CYFIP2: variants seen among roughly 807,000 people sequenced by gnomAD.
CYFIP2 encodes the protein cytoplasmic FMR1 interacting protein 2.
In CYFIP2, 29 loss-of-function variants were observed where a neutral mutation model predicts 158.7. The ratio of observed to expected loss-of-function variants is 0.18; its 90% CI spans 0.14 to 0.25. The LOEUF (loss-of-function observed/expected upper bound fraction) is 0.25, where lower values mean the gene tolerates loss of function less well. CYFIP2 is among the 10% of genes least tolerant of loss of function. The pLI is 1.00. For synonymous variants in CYFIP2, 585 were observed against 617.6 expected (o/e 0.95, Z 0.78); for missense variants, 852 against 1,639.5 (o/e 0.52, Z 8.29).
intron 3 of CYFIP2, chr5:157,288,709 A>C (rs971538767): frequency 6.8e-6 from 3 of 438,252 alleles, no homozygotes; most frequent in Middle Eastern, 3.3e-4. Context: ...ACTGGAGCCC[A>C]AAAAAATTGC....
chr5:157,287,603 C>T (rs1757494512), intron 3 of CYFIP2, among the ~76,000 whole-genome samples: 1 of 152,180 alleles, frequency 6.6e-6, no homozygotes, highest in African/African-American at 2.4e-5. Flanking sequence ...AGGGCTCCTC[C>T]CCTTCTCTGT....
intron 21 of CYFIP2, among the ~76,000 whole-genome samples, chr5:157,338,623 A>G (rs1163480929): frequency 1.3e-5 from 2 of 152,252 alleles, no homozygotes; most frequent in African/African-American, 4.8e-5. Context: ...AAAATTGCCA[A>G]TATTTGGCCC....
At chr5:157,348,949 CAA>C (rs34773095) in intron 23 of CYFIP2, among the ~76,000 whole-genome samples, 13 of 127,182 alleles carry the variant, frequency 1.0e-4, no homozygotes, top group Non-Finnish European at 1.3e-4. Flanking sequence ...GACTTCATCT[CAA>C]AAAAAAAAAA....
intron 1 of CYFIP2, among the ~76,000 whole-genome samples, chr5:157,283,989 A>G (rs983363356): frequency 3.9e-5 from 6 of 152,162 alleles, no homozygotes; most frequent in African/African-American, 1.4e-4. Context: ...GGATTCTCAG[A>G]CAAGCACAGT....
chr5:157,335,440 C>A (rs1761781592), intron 21 of CYFIP2, among the ~76,000 whole-genome samples: 1 of 152,062 alleles, frequency 6.6e-6, no homozygotes, highest in African/African-American at 2.4e-5. Context: ...ACCAGGCCCA[C>A]CTAATTTTTG....
chr5:157,383,003 G>T (rs1197163819), intron 27 of CYFIP2, among the ~76,000 whole-genome samples: 1 of 151,988 alleles, frequency 6.6e-6, no homozygotes, highest in African/African-American at 2.4e-5. Context: ...TCTAGACTTG[G>T]AATTTAAATA....
At chr5:157,303,466 T>A (rs566346399) in intron 7 of CYFIP2, among the ~76,000 whole-genome samples, 2 of 152,184 alleles carry the variant, frequency 1.3e-5, no homozygotes, top group Non-Finnish European at 2.9e-5. Flanking sequence ...AAGACAAGCA[T>A]AACTGTCACT....
At chr5:157,343,021 C>T in intron 23 of CYFIP2, 1 of 1,614,232 alleles carries the variant, frequency 6.2e-7, no homozygotes, top group Non-Finnish European at 8.5e-7. Context: ...GCAGGTCTTC[C>T]TCCCTCTGAC....
At chr5:157,274,946 A>G (rs1349263269) in intron 1 of CYFIP2, among the ~76,000 whole-genome samples, 1 of 152,072 alleles carries the variant, frequency 6.6e-6, no homozygotes, top group Non-Finnish European at 1.5e-5. Flanking sequence ...TTTATTTAAA[A>G]AAATTTTTTT....
chr5:157,342,982 G>C (rs1437150365), intron 23 of CYFIP2: 2 of 1,614,098 alleles, frequency 1.2e-6, no homozygotes, highest in African/African-American at 2.7e-5. Flanking sequence ...TGGAGTTCTT[G>C]CGTGGCATTT....
Position 157,393,050 on chromosome 5 carries a change from G to A in CYFIP2, c.*50G>A, listed in dbSNP as rs776296564. The A allele has an allele frequency of 5.6e-6, 9 of 1,595,452 alleles. No individual in the cohort carries two copies. The African/African-American group carries it at 9.4e-5, about 17-fold the overall frequency. On this transcript the variant is annotated 3_prime_UTR_variant, in exon 31 of 31. Transcript: ENST00000620254. The stretch of plus-strand genomic sequence containing the variant: ...CTGGAGGAGGAAGAGAAGCAGGAGA[G>A]AGAAAGCCACAGCCAGCCTGCCATA...
At chr5:157,271,954 C>T (rs1756134708) in intron 1 of CYFIP2, among the ~76,000 whole-genome samples, 1 of 152,172 alleles carries the variant, frequency 6.6e-6, no homozygotes, top group African/African-American at 2.4e-5. Context: ...GCCCCAGGGC[C>T]CCAGCAGGAG....
intron 5 of CYFIP2, among the ~76,000 whole-genome samples, chr5:157,298,237 T>C (rs924714833): frequency 6.6e-6 from 1 of 152,236 alleles, no homozygotes; most frequent in Non-Finnish European, 1.5e-5. Flanking sequence ...GAGATATACT[T>C]AACATATACC....
chr5:157,320,257 G>T (rs534979802), intron 14 of CYFIP2, among the ~76,000 whole-genome samples: 1 of 152,330 alleles, frequency 6.6e-6, no homozygotes, highest in Admixed American at 6.5e-5. Context: ...AGCACATGCA[G>T]CATGGAGTAA....
chr5:157,268,532 C>T (rs576659823), intron 1 of CYFIP2, among the ~76,000 whole-genome samples: 1 of 152,270 alleles, frequency 6.6e-6, no homozygotes, highest in African/African-American at 2.4e-5. Context: ...AGCTAATTAA[C>T]GGGAAAAGCG....
At chr5:157,329,834 T>G (rs2113166379) in intron 19 of CYFIP2, among the ~76,000 whole-genome samples, 1 of 152,282 alleles carries the variant, frequency 6.6e-6, no homozygotes, top group East Asian at 1.9e-4. Context: ...ATATAGATGG[T>G]GTCTCTTTCT....
At chr5:157,272,919 T>G (rs548734088) in intron 1 of CYFIP2, among the ~76,000 whole-genome samples, 1 of 152,308 alleles carries the variant, frequency 6.6e-6, no homozygotes, top group East Asian at 1.9e-4. Context: ...CAAGCTGGAG[T>G]GCAGTGGCGT....
chr5:157,280,504 G>A (rs1257106465), intron 1 of CYFIP2, among the ~76,000 whole-genome samples: 6 of 151,816 alleles, frequency 4.0e-5, no homozygotes, highest in South Asian at 2.1e-4. Context: ...GATTACAGGC[G>A]TGAGCCACCA....
chr5:157,343,645 G>A (rs13182147), intron 23 of CYFIP2: 189,614 of 915,174 alleles, frequency 0.21, 21,292 homozygotes, highest in Middle Eastern at 0.28. Flanking sequence ...GGGCACTCAT[G>A]TTGCCCTCAT....
Sources: gnomAD v4.1 joint callset for allele counts (sites outside exome capture counted in the v4.1 genomes callset) on GRCh38, gnomAD v4.1.1 for gene constraint, MANE v1.5 for transcripts, NCBI Gene and HGNC (gene_info 2026-07-23, HGNC 2026-07-21) for gene names.